MEI4: variants seen among roughly 807,000 people sequenced by gnomAD.
MEI4 encodes meiosis-specific protein MEI4.
Under a neutral mutation model 31.4 loss-of-function variants are expected in MEI4, and 27 were observed. The observed-to-expected ratio is 0.86, with a 90% CI of 0.63 to 1.19. MEI4 has a LOEUF of 1.19. Ranked by LOEUF, MEI4 falls within the 50% of genes most tolerant of loss-of-function variation. The probability of loss-of-function intolerance (pLI) is 0.00; values close to 1 mark genes in which losing one functional copy is unlikely to be tolerated. For synonymous variants in MEI4, 122 were observed against 145.4 expected, an observed-to-expected ratio of 0.84 and a Z score of 1.16; for missense variants, 329 against 398.9, an observed-to-expected ratio of 0.82 and a Z score of 1.49.
intron 2 of MEI4, among the ~76,000 whole-genome samples, chr6:77,751,219 G>C (rs191108194): frequency 6.6e-6 from 1 of 151,874 alleles, no homozygotes; most frequent in Non-Finnish European, 1.5e-5. Flanking sequence ...TGAGAAACAA[G>C]AGCAAACAAA....
chr6:77,845,592 T>C (rs564466228), intron 4 of MEI4, among the ~76,000 whole-genome samples: 4 of 152,314 alleles, frequency 2.6e-5, no homozygotes, highest in Non-Finnish European at 5.9e-5. Context: ...CAACACTAAC[T>C]TTTTCTTTTT....
At position 77,926,395 on chromosome 6, in the gene MEI4, A is replaced by C. The variant is rs944968809; in HGVS notation, c.*3049A>C. 1 of 151,926 alleles carries C rather than the reference A, an allele frequency of 6.6e-6. No individual in the cohort carries two copies. The highest frequency in any genetic ancestry group is 1.9e-4 in the East Asian group (1 of 5,160). The allele number at this position is 151,926 out of a possible 1,614,324, so 9.4% of individuals were successfully genotyped here. The stretch of plus-strand genomic sequence containing the variant: ...AACGATAATGTCCTAAAAGGTACAG[A>C]GCTCCCTCCAGAGGTGTTTAGGTAG... On this transcript the variant is annotated 3_prime_UTR_variant, in exon 5 of 5. Coordinates refer to ENST00000684080, the MANE Select transcript of MEI4 (RefSeq NM_001322247.2).
intron 3 of MEI4, among the ~76,000 whole-genome samples, chr6:77,817,981 C>T (rs1274413353): frequency 6.6e-6 from 1 of 152,170 alleles, no homozygotes; most frequent in Non-Finnish European, 1.5e-5. Flanking sequence ...CTGCATCGCT[C>T]ATATACTGCA....
intron 4 of MEI4, among the ~76,000 whole-genome samples, chr6:77,879,306 C>T (rs375405874): frequency 6.6e-6 from 1 of 152,042 alleles, no homozygotes; most frequent in Non-Finnish European, 1.5e-5. Context: ...CTGAGTCAAG[C>T]ATCGAGAATT....
chr6:77,687,698 A>G (rs1769083819), intron 1 of MEI4, among the ~76,000 whole-genome samples: 1 of 152,056 alleles, frequency 6.6e-6, no homozygotes. Context: ...ATTTATTACC[A>G]GTTTACTATA....
intron 2 of MEI4, among the ~76,000 whole-genome samples, chr6:77,716,177 G>A (rs540105359): frequency 3.9e-5 from 6 of 152,232 alleles, no homozygotes; most frequent in Admixed American, 1.3e-4. Flanking sequence ...GATGGTTAAC[G>A]TATATTAACA....
At chr6:77,674,882 A>T (rs2127646946) in intron 1 of MEI4, among the ~76,000 whole-genome samples, 1 of 152,264 alleles carries the variant, frequency 6.6e-6, no homozygotes, top group African/African-American at 2.4e-5. Flanking sequence ...ACATATGGAT[A>T]TGTTTTTAAG....
intron 1 of MEI4, among the ~76,000 whole-genome samples, chr6:77,680,099 G>A (rs1037913553): frequency 3.9e-4 from 12 of 30,828 alleles, no homozygotes; most frequent in African/African-American, 1.2e-3. Context: ...GTGAAACCCC[G>A]TCCCTACTAA....
chr6:77,736,728 C>T (rs539290400), intron 2 of MEI4, among the ~76,000 whole-genome samples: 2 of 152,158 alleles, frequency 1.3e-5, no homozygotes, highest in South Asian at 4.1e-4. Flanking sequence ...TTAAGCCCTG[C>T]CCATAGCATC....
chr6:77,830,907 T>C (rs888246069), intron 4 of MEI4, among the ~76,000 whole-genome samples: 4 of 151,604 alleles, frequency 2.6e-5, no homozygotes, highest in Non-Finnish European at 5.9e-5. Context: ...CAAATGAGAA[T>C]ATATCAAGGC....
intron 1 of MEI4, among the ~76,000 whole-genome samples, chr6:77,669,453 CAG>C (rs1477686786): frequency 6.6e-6 from 1 of 151,986 alleles, no homozygotes; most frequent in Non-Finnish European, 1.5e-5. Context: ...AGATAATAAA[CAG>C]AGATGTAATA....
chr6:77,696,340 G>A (rs1766042761), intron 2 of MEI4, among the ~76,000 whole-genome samples: 1 of 152,118 alleles, frequency 6.6e-6, no homozygotes, highest in Non-Finnish European at 1.5e-5. Context: ...CCTGTCTTGT[G>A]CCAGTTTTCA....
At chr6:77,675,953 A>G (rs903834638) in intron 1 of MEI4, among the ~76,000 whole-genome samples, 2 of 152,144 alleles carry the variant, frequency 1.3e-5, no homozygotes, top group Non-Finnish European at 2.9e-5. Context: ...ATCATCTTTC[A>G]TTGATAAGTT....
chr6:77,901,887 A>G (rs774774262), intron 4 of MEI4, among the ~76,000 whole-genome samples: 5 of 152,088 alleles, frequency 3.3e-5, no homozygotes, highest in Non-Finnish European at 5.9e-5. Context: ...ATTTTTGTAT[A>G]TGGTGTGAGA....
intron 3 of MEI4, among the ~76,000 whole-genome samples, chr6:77,768,603 G>A (rs1382254438): frequency 1.3e-5 from 2 of 151,932 alleles, no homozygotes; most frequent in Non-Finnish European, 2.9e-5. Context: ...GGGAGAATGA[G>A]GCAGGAGAAT....
At chr6:77,684,114 A>C (rs946311861) in intron 1 of MEI4, among the ~76,000 whole-genome samples, 1 of 152,130 alleles carries the variant, frequency 6.6e-6, no homozygotes, top group Admixed American at 6.6e-5. Context: ...CATTTCCCTA[A>C]TGATTACTGA....
chr6:77,651,185 T>A (rs1319122960), upstream of MEI4, among the ~76,000 whole-genome samples: 1 of 152,042 alleles, frequency 6.6e-6, no homozygotes, highest in Non-Finnish European at 1.5e-5. Flanking sequence ...TAAGGAGGGA[T>A]AAGAAACATT....
chr6:77,898,274 C>A (rs1766124972), intron 4 of MEI4, among the ~76,000 whole-genome samples: 1 of 151,928 alleles, frequency 6.6e-6, no homozygotes, highest in Non-Finnish European at 1.5e-5. Flanking sequence ...TCTTTACTTT[C>A]TACTAAATAA....
At chr6:77,844,107 A>G (rs1307833683) in intron 4 of MEI4, among the ~76,000 whole-genome samples, 3 of 152,160 alleles carry the variant, frequency 2.0e-5, no homozygotes, top group African/African-American at 7.2e-5. Flanking sequence ...AGATCACATC[A>G]TAATCACTTT....
Sources: allele counts gnomAD v4.1 joint callset (sites outside exome capture counted in the v4.1 genomes callset), GRCh38; gene constraint gnomAD v4.1.1; transcripts MANE v1.5; gene names NCBI Gene and HGNC (gene_info 2026-07-23, HGNC 2026-07-21).